UNC13C: variants seen among roughly 807,000 people sequenced by gnomAD.
UNC13C encodes the protein protein unc-13 homolog C.
In UNC13C, 174 loss-of-function variants were observed where a neutral mutation model predicts 245.4. The ratio of observed to expected loss-of-function variants is 0.71; its 90% CI spans 0.63 to 0.80. UNC13C has a LOEUF of 0.80. Among genes scored for constraint, UNC13C ranks in the 30% least tolerant of loss-of-function variants. The pLI, the probability that UNC13C is intolerant of heterozygous loss-of-function variation, is 0.00. For synonymous variants in UNC13C, 992 were observed against 895.1 expected (o/e 1.11, Z -1.93); for missense variants, 2,829 against 2,602.9 (o/e 1.09, Z -1.89).
At chr15:53,941,350 A>G in the UNC13C span, among the ~76,000 whole-genome samples, 2 of 152,218 alleles carry the variant, frequency 1.3e-5, no homozygotes, top group African/African-American at 4.8e-5. Flanking sequence ...ACCATAGAAG[A>G]AAATCTAGGT....
Position 54,013,387 on chromosome 15 carries a change from C to G in UNC13C, c.484C>G (p.Pro162Ala), listed in dbSNP as rs771570632. The change falls in exon 2 of 33, where the codon CCC becomes GCC. Residue 162 changes from proline to alanine, a missense_variant. By Grantham distance (27) the Pro-to-Ala change is conservative. Coordinates refer to ENST00000260323, the MANE Select transcript of UNC13C (RefSeq NM_001080534.3). ...RNRKSSSSLA[P>A]SEGSSDGERT... ...CAGAAAGAGTTCAAGCAGCCTTGCACCCTCTGAGGGCAGCTCTGACGGGGA... is the reference window on the plus strand; with the variant it reads ...CAGAAAGAGTTCAAGCAGCCTTGCAGCCTCTGAGGGCAGCTCTGACGGGGA... 5 of 1,613,708 alleles carry G rather than the reference C, an allele frequency of 3.1e-6. No homozygotes were observed. Among genetic ancestry groups the G allele is most frequent in the Non-Finnish European group, 4.2e-6 (5 of 1,179,876 alleles).
intron 22 of UNC13C, among the ~76,000 whole-genome samples, chr15:54,503,500 C>T (rs1045209643): frequency 2.0e-5 from 3 of 150,876 alleles, no homozygotes; most frequent in African/African-American, 7.3e-5. Context: ...GCACAATCTC[C>T]GCTCACTGCA....
At chr15:54,320,532 C>T (rs1378132808) in intron 13 of UNC13C, among the ~76,000 whole-genome samples, 1 of 151,974 alleles carries the variant, frequency 6.6e-6, no homozygotes. Context: ...ACGTGTTATA[C>T]AATTGGTCAC....
intron 30 of UNC13C, among the ~76,000 whole-genome samples, chr15:54,605,035 C>CA (rs1401004578): frequency 6.6e-6 from 1 of 152,186 alleles, no homozygotes; most frequent in Admixed American, 6.5e-5. Context: ...GATGCTGCAT[C>CA]AGCAGGGGAA....
chr15:54,365,994 G>A (rs951909032), intron 17 of UNC13C, among the ~76,000 whole-genome samples: 5 of 152,032 alleles, frequency 3.3e-5, no homozygotes, highest in South Asian at 2.1e-4. Flanking sequence ...CAGCACATTC[G>A]GAAAAAGTGT....
At chr15:54,323,029 G>A (rs576160998) in intron 14 of UNC13C, among the ~76,000 whole-genome samples, 1 of 150,900 alleles carries the variant, frequency 6.6e-6, no homozygotes, top group South Asian at 2.1e-4. Flanking sequence ...TTTCATGGAG[G>A]AAACTAAGAT....
chr15:54,363,970 G>A (rs377385650), intron 17 of UNC13C, among the ~76,000 whole-genome samples: 96 of 152,210 alleles, frequency 6.3e-4, no homozygotes, highest in African/African-American at 2.0e-3. Flanking sequence ...ATACATTTGC[G>A]TAAATGCAAA....
chr15:54,167,165 G>A (rs7180639), intron 4 of UNC13C, among the ~76,000 whole-genome samples: 42,223 of 151,982 alleles, frequency 0.28, 6,143 homozygotes, highest in African/African-American at 0.34. Context: ...CCACATAAAT[G>A]TGGGCATTTG....
intron 1 of UNC13C, among the ~76,000 whole-genome samples, chr15:54,007,438 G>A (rs139823682): frequency 9.2e-5 from 14 of 152,262 alleles, no homozygotes; most frequent in Admixed American, 7.2e-4. Flanking sequence ...CCATAAAAAG[G>A]AATGATGTCA....
rs115706436 is a variant in UNC13C, at chr15:54,419,849, C to T, written c.4933+4782C>T. Among the ~76,000 whole-genome samples, 199 of 152,126 alleles carry T rather than the reference C, an allele frequency of 1.3e-3. 1 individual carries two copies. Among genetic ancestry groups the T allele is most frequent in the African/African-American group, 4.6e-3 (189 of 41,526 alleles). ...TAACTCAATTCAGAGTCTGTGTTGT[C>T]GTGAATACAGCTGGTCTCTCACTGT... On this transcript the variant is annotated intron_variant, in intron 19 of 32. Transcript: ENST00000260323.
intron 19 of UNC13C, among the ~76,000 whole-genome samples, chr15:54,431,316 CT>C (rs573946796): frequency 2.0e-5 from 3 of 150,784 alleles, no homozygotes; most frequent in Admixed American, 6.6e-5. Context: ...GAATCACAAG[CT>C]TTTTTTTTCT....
chr15:54,143,118 T>A, intron 3 of UNC13C, 78 bp downstream of exon 3: 1 of 1,347,054 alleles, frequency 7.4e-7, no homozygotes, highest in South Asian at 1.2e-5. Context: ...ATTAGATCTG[T>A]TTGATTCCTC....
chr15:54,178,363 C>T (rs538180530), intron 4 of UNC13C, among the ~76,000 whole-genome samples: 4 of 152,160 alleles, frequency 2.6e-5, no homozygotes, highest in Admixed American at 6.5e-5. Flanking sequence ...TCTTGGTTTT[C>T]TTATGAATAG....
Position 54,015,060 on chromosome 15 carries a change from T to A in UNC13C, c.2157T>A (p.Asn719Lys). The change falls in exon 2 of 33, where the codon AAT becomes AAA. Residue 719 changes from asparagine to lysine, a missense_variant. Coordinates refer to ENST00000260323, the MANE Select transcript of UNC13C (RefSeq NM_001080534.3). ...SESYDLTQDD[N>K]SSPCPGLDNE... The stretch of plus-strand genomic sequence containing the variant: ...GCTACGACTTAACTCAAGATGACAA[T>A]TCTTCTCCATGCCCTGGCTTGGATA... 6.2e-7 allele frequency: 1 copy of A among 1,612,954 alleles called. No individual in the cohort carries two copies. Among genetic ancestry groups the A allele is most frequent in the Non-Finnish European group, 8.5e-7 (1 of 1,179,502 alleles).
At chr15:54,250,534 G>C in intron 8 of UNC13C, 90 bp downstream of exon 8, 3 of 1,265,504 alleles carry the variant, frequency 2.4e-6, no homozygotes, top group Non-Finnish European at 2.2e-6. Context: ...CTTGCTGGTT[G>C]TCAAGAAATC....
At chr15:54,384,944 C>A (rs1231488603) in intron 17 of UNC13C, among the ~76,000 whole-genome samples, 1 of 152,028 alleles carries the variant, frequency 6.6e-6, no homozygotes, top group African/African-American at 2.4e-5. Flanking sequence ...AAATGCAAAT[C>A]AAAACCACAA....
In UNC13C at chr15:54,297,907, A is replaced by G; in HGVS notation, c.4085A>G (p.Gln1362Arg). 1.9e-6 allele frequency: 3 copies of G among 1,593,738 alleles called. No individual in the cohort carries two copies. Among genetic ancestry groups the G allele is most frequent in the Non-Finnish European group, 2.6e-6 (3 of 1,167,476 alleles). The change falls in exon 12 of 33, where the codon CAA (glutamine) becomes CGA (arginine). Residue 1362 changes from glutamine (Q) to arginine (R), a missense_variant. Transcript: ENST00000260323. ...GAGAAGGTTGCTCCATATCATATTCAATATACATGTTTACATGAGGTAAAT... is the reference window on the plus strand; with the variant it reads ...GAGAAGGTTGCTCCATATCATATTCGATATACATGTTTACATGAGGTAAAT... ...GEEKVAPYHI[Q>R]YTCLHENLFH...
chr15:54,362,933 T>C (rs1020138666), intron 17 of UNC13C, among the ~76,000 whole-genome samples: 1 of 151,928 alleles, frequency 6.6e-6, no homozygotes, highest in African/African-American at 2.4e-5. Context: ...GAAGGATGTG[T>C]TAGGGAAAAG....
At chr15:54,456,944 C>G (rs1891564054) in intron 19 of UNC13C, among the ~76,000 whole-genome samples, 1 of 152,148 alleles carries the variant, frequency 6.6e-6, no homozygotes, top group African/African-American at 2.4e-5. Flanking sequence ...AGTGGGCATC[C>G]TTGTCTAGTT....
Sources: gnomAD v4.1 joint callset for allele counts (sites outside exome capture counted in the v4.1 genomes callset) on GRCh38, gnomAD v4.1.1 for gene constraint, MANE v1.5 for transcripts, NCBI Gene and HGNC (gene_info 2026-07-23, HGNC 2026-07-21) for gene names.